Variants in THSD4 observed in about 807,000 individuals in gnomAD.
THSD4 encodes thrombospondin type-1 domain-containing protein 4.
A neutral mutation model predicts 119.0 loss-of-function variants in THSD4; 69 were observed. The ratio of observed to expected loss-of-function variants is 0.58; its 90% CI spans 0.48 to 0.71. THSD4 has a LOEUF of 0.71. Ranked by LOEUF, THSD4 falls within the 30% of genes least tolerant of loss-of-function variation. THSD4 has a pLI of 0.00. For synonymous variants in THSD4, 524 were observed against 540.4 expected, an observed-to-expected ratio of 0.97 and a Z score of 0.42; for missense variants, 1,393 against 1,391.1, an observed-to-expected ratio of 1.00 and a Z score of -0.02.
chr15:71,192,458 T>A (rs988724265), intron 3 of THSD4, among the ~76,000 whole-genome samples: 3 of 151,994 alleles, frequency 2.0e-5, no homozygotes, highest in African/African-American at 7.3e-5. Context: ...AATTTTTGTA[T>A]TTTTAGTAGA....
chr15:71,762,469 A>G (rs1379223308), intron 15 of THSD4, among the ~76,000 whole-genome samples: 1 of 152,212 alleles, frequency 6.6e-6, no homozygotes, highest in East Asian at 1.9e-4. Flanking sequence ...AGATAAGACC[A>G]CAGCGACCTG....
chr15:71,659,911 G>C (rs574755211), intron 7 of THSD4, among the ~76,000 whole-genome samples: 1 of 152,132 alleles, frequency 6.6e-6, no homozygotes. Context: ...AGCAGGTTAT[G>C]ATCTCGTTTG....
chr15:71,442,658 G>GTATGTATGTATGTATA (rs1555414314), intron 7 of THSD4, among the ~76,000 whole-genome samples: 1 of 31,348 alleles, frequency 3.2e-5, no homozygotes, highest in African/African-American at 9.9e-5. Context: ...GTGTGTGTGT[G>GTATGTATGTATGTATA]TGTATATATA....
Position 71,584,262 on chromosome 15 carries a change from C to CTTTTTT in THSD4, c.1153-76250_1153-76245dup, listed in dbSNP as rs71154789. Among the ~76,000 whole-genome samples, 528 of 61,736 alleles carry CTTTTTT rather than the reference C, an allele frequency of 8.6e-3. 50 individuals carry two copies. Among genetic ancestry groups the CTTTTTT allele is most frequent in the Non-Finnish European group, 9.3e-3 (340 of 36,366 alleles). 40.5% of individuals were successfully genotyped at this position (61,736 alleles called of 152,430 possible). A position where few individuals can be genotyped will look rare whatever the true frequency, so the allele number is the denominator to read the frequency against. ...TCACGTGGATTTTTTTTTTCACTTT[C>CTTTTTT]TTTTTTTTTTTTTTTTTTTTTTTGA... On this transcript the variant is annotated intron_variant, in intron 7 of 17. Coordinates refer to ENST00000261862, the MANE Select transcript of THSD4 (RefSeq NM_024817.3).
At chr15:71,479,818 C>T (rs2047703603) in intron 7 of THSD4, among the ~76,000 whole-genome samples, 1 of 152,122 alleles carries the variant, frequency 6.6e-6, no homozygotes, top group Non-Finnish European at 1.5e-5. Context: ...TTCATTTGCA[C>T]TTAAAACTGC....
intron 7 of THSD4, among the ~76,000 whole-genome samples, chr15:71,584,983 G>A (rs891642731): frequency 3.4e-4 from 51 of 151,298 alleles, no homozygotes; most frequent in African/African-American, 1.1e-3. Flanking sequence ...TTTAACTTCT[G>A]TTTTCCATAT....
chr15:71,728,589 C>G lies in THSD4; in HGVS notation c.1398C>G (p.Asn466Lys). The change falls in exon 9 of 18, where the codon AAC becomes AAG. Residue 466 changes from asparagine (N) to lysine (K), a missense_variant. Coordinates refer to ENST00000261862, the MANE Select transcript of THSD4 (RefSeq NM_024817.3). The stretch of plus-strand genomic sequence containing the variant: ...CTGGACGCTCCATCATCAATGGGAA[C>G]TGGGCAATTGATCGACCAGGAAAAT... ...SRSGRSIING[N>K]WAIDRPGKYE... 1 of 1,614,226 alleles carries G rather than the reference C, an allele frequency of 6.2e-7. No individual in the cohort carries two copies. The highest frequency in any genetic ancestry group is 8.5e-7 in the Non-Finnish European group (1 of 1,180,046).
intron 1 of THSD4, among the ~76,000 whole-genome samples, chr15:71,129,170 C>T (rs567002593): frequency 9.2e-5 from 14 of 152,270 alleles, no homozygotes; most frequent in South Asian, 2.1e-4. Flanking sequence ...GAGCTGGTGA[C>T]GGCTCCTTTT....
At chr15:71,675,128 C>T (rs1214256456) in intron 8 of THSD4, among the ~76,000 whole-genome samples, 3 of 151,992 alleles carry the variant, frequency 2.0e-5, no homozygotes, top group African/African-American at 4.8e-5. Flanking sequence ...GGTAGTGGGC[C>T]CCTAGATTGC....
chr15:71,141,601 T>G (rs2040605293), intron 2 of THSD4, 45 bp downstream of exon 2: 2 of 1,573,036 alleles, frequency 1.3e-6, no homozygotes, highest in African/African-American at 2.7e-5. Flanking sequence ...AATAAGAAAT[T>G]TGATATTTGC....
chr15:71,532,279 A>T (rs1304130455), intron 7 of THSD4, among the ~76,000 whole-genome samples: 1 of 119,916 alleles, frequency 8.3e-6, no homozygotes, highest in African/African-American at 3.3e-5. Context: ...AGAGAGAGAG[A>T]GAGAGTGTGT....
At chr15:71,102,417 T>G (rs1341167734) in intron 1 of THSD4, among the ~76,000 whole-genome samples, 1 of 152,188 alleles carries the variant, frequency 6.6e-6, no homozygotes, top group East Asian at 1.9e-4. Flanking sequence ...CTGGGTTTCT[T>G]TTTCAATTTT....
rs2046680218 is a variant in THSD4 at position 71,411,027 on chromosome 15, TAC to T, written c.1016-658_1016-657del. Reference sequence around the variant, plus strand: ...TGCACCACTGCGCTCCAGCCTGGGTTACAGAGTGAGACTTGTAAACATAAAAA... The same window carrying T: ...TGCACCACTGCGCTCCAGCCTGGGTTAGAGTGAGACTTGTAAACATAAAAA... On this transcript the variant is annotated intron_variant, in intron 6 of 17. Coordinates refer to ENST00000261862, the MANE Select transcript of THSD4 (RefSeq NM_024817.3). 3.3e-5 allele frequency among the ~76,000 whole-genome samples: 5 copies of T among 152,180 alleles called. No homozygotes were observed. The South Asian group carries it at 1.0e-3, about 32-fold the overall frequency.
At chr15:71,544,321 A>G (rs896084772) in intron 7 of THSD4, among the ~76,000 whole-genome samples, 3 of 152,364 alleles carry the variant, frequency 2.0e-5, no homozygotes, top group Admixed American at 6.5e-5. Flanking sequence ...ACATGAAACT[A>G]TTTTAAAAGT....
chr15:71,559,674 A>C (rs1254879639), intron 7 of THSD4, among the ~76,000 whole-genome samples: 1 of 152,050 alleles, frequency 6.6e-6, no homozygotes. Flanking sequence ...TCGCAATGAC[A>C]TATAAGGAAC....
chr15:71,563,209 C>T (rs1431105245), intron 7 of THSD4, among the ~76,000 whole-genome samples: 2 of 152,136 alleles, frequency 1.3e-5, no homozygotes, highest in African/African-American at 2.4e-5. Context: ...CATCACCACA[C>T]TGGAGCAGAA....
intron 1 of THSD4, among the ~76,000 whole-genome samples, chr15:71,108,121 CTT>C (rs2040281670): frequency 1.3e-5 from 2 of 152,202 alleles, no homozygotes; most frequent in Admixed American, 1.3e-4. Flanking sequence ...AGGTGCAGCT[CTT>C]TACAATGGAG....
intron 2 of THSD4, among the ~76,000 whole-genome samples, chr15:71,149,315 G>A (rs1018778319): frequency 4.6e-5 from 7 of 151,122 alleles, no homozygotes; most frequent in Middle Eastern, 3.2e-3. Flanking sequence ...GCGTGATCAC[G>A]GCTCACTGCA....
At chr15:71,490,324 G>A (rs958273022) in intron 7 of THSD4, among the ~76,000 whole-genome samples, 3 of 152,090 alleles carry the variant, frequency 2.0e-5, no homozygotes, top group East Asian at 1.9e-4. Flanking sequence ...ACTTTGGGAC[G>A]CCAAGGCAGG....
Sources: gnomAD v4.1 joint callset for allele counts (sites outside exome capture counted in the v4.1 genomes callset) on GRCh38, gnomAD v4.1.1 for gene constraint, MANE v1.5 for transcripts, NCBI Gene and HGNC (gene_info 2026-07-23, HGNC 2026-07-21) for gene names.